The following STPG2 variants were observed in gnomAD, a reference collection of about 807,000 sequenced individuals.
STPG2 encodes sperm tail PG-rich repeat containing 2.
In STPG2, 56 loss-of-function variants were observed where a neutral mutation model predicts 54.2. The observed-to-expected ratio is 1.03, with a 90% CI of 0.83 to 1.29. The LOEUF is 1.29. Among genes scored for constraint, STPG2 ranks in the 50% most tolerant of loss-of-function variants. The pLI is 0.00. For missense variants in STPG2, 596 were observed against 544.9 expected (o/e 1.09, Z -0.93); for synonymous variants, 200 against 181.8 (o/e 1.10, Z -0.81).
chr4:97,802,668 A>C (rs1029992224), intron 9 of STPG2, among the ~76,000 whole-genome samples: 1 of 151,940 alleles, frequency 6.6e-6, no homozygotes, highest in Non-Finnish European at 1.5e-5. Flanking sequence ...ATGGGGTTTC[A>C]CCATGTTGGC....
intron 9 of STPG2, among the ~76,000 whole-genome samples, chr4:97,808,608 C>T (rs1357683647): frequency 6.6e-6 from 1 of 150,854 alleles, no homozygotes; most frequent in Non-Finnish European, 1.5e-5. Flanking sequence ...AAGATTTAAA[C>T]CCAACTATAA....
chr4:97,773,364 G>C (rs1000420182), intron 9 of STPG2, among the ~76,000 whole-genome samples: 3 of 152,036 alleles, frequency 2.0e-5, no homozygotes, highest in African/African-American at 4.8e-5. Context: ...CTGTTGCCCA[G>C]ATTGGAGTGC....
At chr4:97,555,770 T>C (rs771738321), downstream of STPG2, among the ~76,000 whole-genome samples, 5 of 152,030 alleles carry the variant, frequency 3.3e-5, no homozygotes, top group Non-Finnish European at 7.4e-5. Context: ...ATAGAACAGA[T>C]TGGGAGTAGC....
rs575748377 is a variant in STPG2, at chr4:97,605,052, C to T, written c.1321-45935G>A. 2.0e-4 allele frequency among the ~76,000 whole-genome samples: 30 copies of T among 151,752 alleles called. No homozygotes were observed. In the South Asian group the frequency reaches 3.1e-3, roughly 16 times the overall value. On this transcript the variant is annotated intron_variant, in intron 10 of 10. Coordinates refer to ENST00000295268, the MANE Select transcript of STPG2 (RefSeq NM_174952.3). ...TTAACCTTTAAACTGCCTTCAGTAA[C>T]GGAAAATAACCCATTAAAGAACAAT... is the stretch of plus-strand genomic sequence containing the variant.
At chr4:97,583,502 G>A (rs565757763) in intron 10 of STPG2, among the ~76,000 whole-genome samples, 1 of 151,972 alleles carries the variant, frequency 6.6e-6, no homozygotes, top group South Asian at 2.1e-4. Context: ...ATTTTCACAT[G>A]AACTGACAGA....
rs1733789584 is a variant in STPG2, at chr4:97,613,712, C to T, written c.1321-54595G>A. On this transcript the variant is annotated intron_variant, in intron 10 of 10. Coordinates refer to ENST00000295268, the MANE Select transcript of STPG2 (RefSeq NM_174952.3). Reference sequence around the variant, plus strand: ...TTTATTTCATATTATGGATTATACTCCAGTACAATACAAAAATATAATCTA... The same window carrying T: ...TTTATTTCATATTATGGATTATACTTCAGTACAATACAAAAATATAATCTA... Among the ~76,000 whole-genome samples, 4 of 152,034 alleles carry T rather than the reference C, an allele frequency of 2.6e-5. No homozygotes were observed. The South Asian group carries it at 8.3e-4, about 32-fold the overall frequency.
intron 4 of STPG2, among the ~76,000 whole-genome samples, chr4:97,540,851 A>C (rs958043707): frequency 3.9e-5 from 6 of 152,226 alleles, no homozygotes; most frequent in African/African-American, 1.4e-4. Context: ...GCATATAAAA[A>C]GAACCAAAGA....
At chr4:97,767,741 C>CCA (rs1325382284) in intron 9 of STPG2, among the ~76,000 whole-genome samples, 1 of 151,818 alleles carries the variant, frequency 6.6e-6, no homozygotes, top group Non-Finnish European at 1.5e-5. Context: ...TATGATAAGC[C>CCA]CACACAAAAA....
chr4:97,868,613 C>T (rs946944521), intron 8 of STPG2, among the ~76,000 whole-genome samples: 2 of 151,764 alleles, frequency 1.3e-5, no homozygotes, highest in African/African-American at 2.4e-5. Context: ...TAAATTTTGC[C>T]GGTCTGCTTT....
At chr4:97,685,676 A>C (rs1723165087) in intron 10 of STPG2, among the ~76,000 whole-genome samples, 1 of 152,198 alleles carries the variant, frequency 6.6e-6, no homozygotes, top group Admixed American at 6.5e-5. Flanking sequence ...CACAGAGTAA[A>C]CACTAATGTA....
chr4:97,958,229 G>T (rs181804210), intron 7 of STPG2, among the ~76,000 whole-genome samples: 8 of 152,018 alleles, frequency 5.3e-5, no homozygotes, highest in Admixed American at 4.6e-4. Flanking sequence ...AGAATTGCTT[G>T]AACCTGGGAG....
At chr4:98,019,859 A>G (rs1483859217) in intron 5 of STPG2, among the ~76,000 whole-genome samples, 2 of 119,340 alleles carry the variant, frequency 1.7e-5, no homozygotes, top group African/African-American at 3.3e-5. Context: ...ATTTTTTTAC[A>G]TTGATTTTGT....
chr4:98,109,309 A>G lies in STPG2; in HGVS notation c.388-4T>C. 6.3e-7 allele frequency: 1 copy of G among 1,588,466 alleles called. No homozygotes were observed. Among genetic ancestry groups the G allele is most frequent in the Non-Finnish European group, 8.6e-7 (1 of 1,166,846 alleles). ...TCAAAGTTGCATTGGAAACATCCTA[A>G]AAAATAAAAAGTTTTAAAAAGTGAG... On this transcript the variant is annotated splice_polypyrimidine_tract_variant and splice_region_variant and intron_variant, in intron 3 of 10. Coordinates refer to ENST00000295268, the MANE Select transcript of STPG2 (RefSeq NM_174952.3).
At chr4:97,837,232 T>A (rs1360243236) in intron 9 of STPG2, among the ~76,000 whole-genome samples, 1 of 151,700 alleles carries the variant, frequency 6.6e-6, no homozygotes, top group East Asian at 1.9e-4. Flanking sequence ...AGGATGATCT[T>A]AGAAGCAGAA....
chr4:97,586,818 T>C lies in STPG2; in HGVS notation c.1321-27701A>G, dbSNP rs142833982. Among the ~76,000 whole-genome samples, 628 of 152,016 alleles carry C rather than the reference T, an allele frequency of 4.1e-3. 3 individuals carry two copies. The highest frequency in any genetic ancestry group is 0.02 in the South Asian group (97 of 4,826). On this transcript the variant is annotated intron_variant, in intron 10 of 10. Transcript: ENST00000295268. ...CTAATCAACTTACCATTAAACATCA[T>C]GTAACAGAAGTTCTGTAGAGAGAAA...
intron 9 of STPG2, among the ~76,000 whole-genome samples, chr4:97,764,131 C>CACACACAA (rs1553911602): frequency 6.6e-6 from 1 of 151,248 alleles, no homozygotes; most frequent in Non-Finnish European, 1.5e-5. Flanking sequence ...CACACACACA[C>CACACACAA]ACACACACAC....
At chr4:97,588,661 T>A (rs1243610963) in intron 10 of STPG2, among the ~76,000 whole-genome samples, 3 of 152,062 alleles carry the variant, frequency 2.0e-5, no homozygotes, top group Non-Finnish European at 4.4e-5. Context: ...TGAAAAATAA[T>A]TTGGCAATAT....
chr4:97,685,036 C>A (rs1241477032), intron 10 of STPG2, among the ~76,000 whole-genome samples: 2 of 151,912 alleles, frequency 1.3e-5, no homozygotes, highest in African/African-American at 2.4e-5. Context: ...AACTACATAC[C>A]TATCAGAATG....
chr4:97,550,434 T>C (rs889231134), intron 4 of STPG2, among the ~76,000 whole-genome samples: 10 of 152,106 alleles, frequency 6.6e-5, no homozygotes, highest in Non-Finnish European at 1.5e-4. Flanking sequence ...TTCAGTGGCA[T>C]GTGTGGAGTG....
Sources: allele counts gnomAD v4.1 joint callset (sites outside exome capture counted in the v4.1 genomes callset), GRCh38; gene constraint gnomAD v4.1.1; transcripts MANE v1.5; gene names NCBI Gene and HGNC (gene_info 2026-07-23, HGNC 2026-07-21).